WFDC1: variants seen among roughly 807,000 people sequenced by gnomAD.
WFDC1 encodes the protein WAP four-disulfide core domain 1, also known as WAP four-disulfide core domain protein 1.
In WFDC1, 39 loss-of-function variants were observed where a neutral mutation model predicts 32.9. The observed-to-expected ratio is 1.19, with a 90% confidence interval of 0.92 to 1.55. WFDC1 has a LOEUF of 1.55. Among genes scored for constraint, WFDC1 ranks in the 40% most tolerant of loss-of-function variants. WFDC1 has a pLI of 0.00. For missense variants in WFDC1, 386 were observed against 309.5 expected, an observed-to-expected ratio of 1.25 and a Z score of -1.85; for synonymous variants, 184 against 137.4, an observed-to-expected ratio of 1.34 and a Z score of -2.37.
chr16:84,315,102 G>A (rs1043993718), intron 2 of WFDC1, among the ~76,000 whole-genome samples: 5 of 152,214 alleles, frequency 3.3e-5, no homozygotes, highest in South Asian at 2.1e-4. Context: ...GCCTTAGGCC[G>A]TGAGTGTGGG....
intron 2 of WFDC1, chr16:84,317,432 C>T (rs1251374920): frequency 6.6e-6 from 1 of 152,080 alleles, no homozygotes; most frequent in Non-Finnish European, 1.5e-5. Context: ...GGCTAACCAG[C>T]AGCTGATTCA....
chr16:84,318,338 C>G lies in WFDC1; in HGVS notation c.404C>G (p.Pro135Arg). 1 of 1,614,060 alleles carries G rather than the reference C, an allele frequency of 6.2e-7. No individual in the cohort carries two copies. Among genetic ancestry groups the G allele is most frequent in the South Asian group, 1.1e-5 (1 of 91,074 alleles). Residue 135 changes from proline to arginine, a missense_variant, in exon 3 of 7, where the codon CCT (proline) becomes CGT (arginine). Transcript: ENST00000219454. ...LGGNGWLLDGPEEVLQAEACS... is the reference protein window; with the variant it reads ...LGGNGWLLDGREEVLQAEACS... ...GGCAATGGCTGGCTCCTGGATGGCC[C>G]TGAGGAGGTGTTACAAGGTACCTGC...
chr16:84,316,374 A>G (rs867346692), intron 2 of WFDC1: 1 of 152,246 alleles, frequency 6.6e-6, no homozygotes, highest in African/African-American at 2.4e-5. Context: ...GATAAATATT[A>G]GTAATTTTTA....
intron 2 of WFDC1, among the ~76,000 whole-genome samples, chr16:84,314,288 G>C (rs181740): frequency 0.71 from 107,857 of 152,072 alleles, 38,555 homozygotes; most frequent in East Asian, 0.98. Flanking sequence ...ACAGTAAGTG[G>C]GGAGTAGGGT....
intron 1 of WFDC1, among the ~76,000 whole-genome samples, chr16:84,310,738 G>C (rs368474692): frequency 1.3e-5 from 2 of 152,154 alleles, no homozygotes; most frequent in Non-Finnish European, 2.9e-5. Context: ...GTTCCGAACC[G>C]TGGTTTTCTT....
At chr16:84,300,483 C>T (rs747368726) in intron 1 of WFDC1, among the ~76,000 whole-genome samples, 14 of 152,264 alleles carry the variant, frequency 9.2e-5, no homozygotes, top group Non-Finnish European at 1.8e-4. Flanking sequence ...GTACTCCCTG[C>T]ACTCGAATCC....
intron 1 of WFDC1, among the ~76,000 whole-genome samples, chr16:84,298,061 G>A (rs77598533): frequency 0.095 from 14,465 of 152,078 alleles, 741 homozygotes; most frequent in South Asian, 0.17. Flanking sequence ...AGCCAGTTTT[G>A]TTCCACACAG....
intron 1 of WFDC1, among the ~76,000 whole-genome samples, chr16:84,305,110 T>G (rs1907173741): frequency 2.6e-5 from 4 of 152,168 alleles, no homozygotes; most frequent in African/African-American, 9.7e-5. Flanking sequence ...AAAGTGGGTT[T>G]AGAATAGCAG....
intron 4 of WFDC1, among the ~76,000 whole-genome samples, chr16:84,319,966 G>A (rs1908212101): frequency 6.6e-6 from 1 of 152,138 alleles, no homozygotes; most frequent in South Asian, 2.1e-4. Flanking sequence ...AATAGTAGGT[G>A]GTCAGTAAGC....
In WFDC1 at chr16:84,311,919, A is replaced by C. The variant is rs140843444; in HGVS notation, c.145-1042A>C. ...GGTGGCTCACACCTGTAATCCCAGC[A>C]CTTTGGGAGGCTGAGGCAGGCGGAT... On this transcript the variant is annotated intron_variant, in intron 1 of 6. Coordinates refer to ENST00000219454, the MANE Select transcript of WFDC1 (RefSeq NM_021197.4). 6.6e-3 allele frequency among the ~76,000 whole-genome samples: 997 copies of C among 152,082 alleles called. 8 individuals are homozygous for C. The highest frequency in any genetic ancestry group is 0.023 in the African/African-American group (934 of 41,470).
chr16:84,316,946 C>G (rs1242646280), intron 2 of WFDC1: 1 of 149,944 alleles, frequency 6.7e-6, no homozygotes, highest in African/African-American at 2.5e-5. Flanking sequence ...CCATTGCACT[C>G]CAGCCTGGGC....
chr16:84,305,554 C>G (rs1907200738), intron 1 of WFDC1, among the ~76,000 whole-genome samples: 1 of 152,232 alleles, frequency 6.6e-6, no homozygotes, highest in Non-Finnish European at 1.5e-5. Flanking sequence ...TCTTCTGCAT[C>G]TGCTGAGCAT....
intron 4 of WFDC1, 100 bp downstream of exon 4, chr16:84,319,671 C>T: frequency 4.7e-6 from 7 of 1,483,522 alleles, no homozygotes; most frequent in Non-Finnish European, 6.3e-6. Context: ...CAGGAAGCAG[C>T]CCCAGCACCT....
chr16:84,300,967 T>G (rs994366696), intron 1 of WFDC1, among the ~76,000 whole-genome samples: 28 of 138,938 alleles, frequency 2.0e-4, no homozygotes, highest in African/African-American at 7.2e-4. Flanking sequence ...AGAGTGAGAC[T>G]TCATCTCAAA....
chr16:84,305,354 C>G (rs542473650), intron 1 of WFDC1, among the ~76,000 whole-genome samples: 1 of 152,198 alleles, frequency 6.6e-6, no homozygotes, highest in African/African-American at 2.4e-5. Flanking sequence ...GGTGGTCCTC[C>G]GAGGGCAGTG....
chr16:84,320,244 G>C (rs1908228935), intron 4 of WFDC1, among the ~76,000 whole-genome samples: 2 of 152,206 alleles, frequency 1.3e-5, no homozygotes, highest in Non-Finnish European at 2.9e-5. Context: ...AGTTAAGGTA[G>C]GCTCGGCTAA....
intron 1 of WFDC1, among the ~76,000 whole-genome samples, chr16:84,303,908 A>G (rs1907093388): frequency 6.6e-6 from 1 of 152,212 alleles, no homozygotes; most frequent in African/African-American, 2.4e-5. Flanking sequence ...TTTCATGGAA[A>G]TGGAATCATC....
chr16:84,318,098 A>G, intron 2 of WFDC1, 174 bp from the exon 3 acceptor site: 1 of 609,616 alleles, frequency 1.6e-6, no homozygotes, highest in Non-Finnish European at 3.0e-6. Context: ...TGCCCAGCCC[A>G]CAGTGAAAGG....
At chr16:84,301,588 G>T (rs1386714780) in intron 1 of WFDC1, among the ~76,000 whole-genome samples, 1 of 152,158 alleles carries the variant, frequency 6.6e-6, no homozygotes, top group Admixed American at 6.5e-5. Flanking sequence ...CAGCACCCAG[G>T]AGGGGGTCTT....
Sources: allele counts gnomAD v4.1 joint callset (sites outside exome capture counted in the v4.1 genomes callset), GRCh38; gene constraint gnomAD v4.1.1; transcripts MANE v1.5; gene names NCBI Gene and HGNC (gene_info 2026-07-23, HGNC 2026-07-21).